Variants in IFT140 observed in about 807,000 individuals in gnomAD.
The protein encoded by IFT140 is intraflagellar transport 140.
IFT140 carries 133 observed loss-of-function variants against 164.6 expected under a neutral mutation model. That is an observed-to-expected ratio of 0.81 (90% CI 0.70 to 0.93). The LOEUF (loss-of-function observed/expected upper bound fraction) is 0.93, where lower values mean the gene tolerates loss of function less well. IFT140 is among the 40% of genes least tolerant of loss of function. The pLI is 0.00. For synonymous variants in IFT140, 860 were observed against 817.3 expected, an observed-to-expected ratio of 1.05 and a Z score of -0.89; for missense variants, 2,045 against 1,972.3, an observed-to-expected ratio of 1.04 and a Z score of -0.70.
intron 5 of IFT140, 73 bp from the exon 6 acceptor site, chr16:1,592,391 G>T: frequency 6.2e-7 from 1 of 1,611,168 alleles, no homozygotes; most frequent in African/African-American, 1.3e-5. Context: ...GGCCCCTCCT[G>T]GGTCAGGAGC....
chr16:1,577,376 C>T (rs1302642932), intron 13 of IFT140: 1 of 152,196 alleles, frequency 6.6e-6, no homozygotes, highest in Non-Finnish European at 1.5e-5. Context: ...TGTAAGAATG[C>T]ACTATGTAAT....
intron 30 of IFT140, among the ~76,000 whole-genome samples, chr16:1,516,052 A>G (rs1567318328): frequency 6.7e-6 from 1 of 149,592 alleles, no homozygotes; most frequent in South Asian, 2.1e-4. Context: ...AGGCAGGAGA[A>G]TCACTTGAAC....
rs367882121 is a variant in IFT140 at position 1,607,116 on chromosome 16, T to C, written c.147+4A>G. The C allele has an allele frequency of 6.2e-7, 1 of 1,613,566 alleles. No individual in the cohort carries two copies. Among genetic ancestry groups the C allele is most frequent in the Non-Finnish European group, 8.5e-7 (1 of 1,179,710 alleles). ...AGTCAGGCTCCTTGCTTCTGAGCAC[T>C]CACTTGCTCCAGGTAAATATCCACG... is the stretch of plus-strand genomic sequence containing the variant. On this transcript the variant is annotated splice_donor_region_variant and intron_variant, in intron 3 of 30. Transcript: ENST00000426508.
At chr16:1,559,481 C>T (rs951071895) in intron 18 of IFT140, among the ~76,000 whole-genome samples, 3 of 152,120 alleles carry the variant, frequency 2.0e-5, no homozygotes, top group South Asian at 2.1e-4. Flanking sequence ...GAAACTAGGC[C>T]GAGCCGTTTG....
At chr16:1,540,348 G>A (rs1473530656) in intron 19 of IFT140, among the ~76,000 whole-genome samples, 1 of 152,236 alleles carries the variant, frequency 6.6e-6, no homozygotes, top group Non-Finnish European at 1.5e-5. Context: ...TTCTAACCAC[G>A]TAAACACTCA....
chr16:1,604,096 T>C (rs1449399394), intron 3 of IFT140, among the ~76,000 whole-genome samples: 1 of 152,256 alleles, frequency 6.6e-6, no homozygotes, highest in Non-Finnish European at 1.5e-5. Context: ...CCATTTACCA[T>C]ATATGTTATA....
At chr16:1,513,437 G>A (rs867252566) in intron 30 of IFT140, among the ~76,000 whole-genome samples, 43 of 152,020 alleles carry the variant, frequency 2.8e-4, no homozygotes, top group African/African-American at 1.0e-3. Flanking sequence ...GGAGGCGGAG[G>A]TTGCAGTGAG....
At chr16:1,517,843 T>G (rs994738752) in intron 30 of IFT140, among the ~76,000 whole-genome samples, 1 of 152,108 alleles carries the variant, frequency 6.6e-6, no homozygotes, top group Non-Finnish European at 1.5e-5. Flanking sequence ...CCGACAGATT[T>G]TTTTTTTCTT....
At chr16:1,541,443 G>A in intron 19 of IFT140, 6 of 985,432 alleles carry the variant, frequency 6.1e-6, no homozygotes, top group Non-Finnish European at 7.2e-6. Flanking sequence ...TCGGGCAGCT[G>A]AGCACGCAGG....
chr16:1,583,298 G>C lies in IFT140; in HGVS notation c.1432+16C>G, dbSNP rs2034676298. The C allele has an allele frequency of 6.2e-7, 1 of 1,611,570 alleles. No individual in the cohort carries two copies. The highest frequency in any genetic ancestry group is 1.3e-5 in the African/African-American group (1 of 74,840). Reference sequence around the variant, plus strand: ...CAGGTAGTGGGAGTGCCTCTGTCCGGGTGAAAAGAACCCACCTGCACTCCG... The same window carrying C: ...CAGGTAGTGGGAGTGCCTCTGTCCGCGTGAAAAGAACCCACCTGCACTCCG... On this transcript the variant is annotated intron_variant, in intron 12 of 30. Transcript: ENST00000426508.
intron 19 of IFT140, chr16:1,541,123 G>A (rs574597537): frequency 5.1e-6 from 5 of 985,412 alleles, no homozygotes; most frequent in East Asian, 2.3e-4. Flanking sequence ...CCCTGACCAC[G>A]CATCCATGTG....
chr16:1,554,079 A>C (rs2032894868), intron 19 of IFT140: 1 of 1,287,174 alleles, frequency 7.8e-7, no homozygotes, highest in Non-Finnish European at 1.0e-6. Context: ...AAAATCTGCC[A>C]GGGAGGAGGG....
intron 18 of IFT140, among the ~76,000 whole-genome samples, chr16:1,561,667 G>A (rs1359540311): frequency 1.3e-5 from 2 of 152,228 alleles, no homozygotes; most frequent in African/African-American, 2.4e-5. Flanking sequence ...TTCAGCATTC[G>A]GGGAAAAGGC....
rs2032646810 is a variant in IFT140 at position 1,551,667 on chromosome 16, G to A, written c.2399+6268C>T. ...TTCCTCACTGTCGAACCCAACTTCA[G>A]GACATGCTTGTTCACGGAAGAGCCT... On this transcript the variant is annotated intron_variant, in intron 19 of 30. Transcript: ENST00000426508. This position sits in a 1 kb window ranked among gnomAD's most constrained non-coding sequence, Gnocchi z 4.0. Among the ~76,000 whole-genome samples, 1 of 152,208 alleles carries A rather than the reference G, an allele frequency of 6.6e-6. No homozygotes were observed. Among genetic ancestry groups the A allele is most frequent in the Non-Finnish European group, 1.5e-5 (1 of 68,044 alleles).
chr16:1,587,079 T>G, intron 9 of IFT140, 119 bp downstream of exon 9: 2 of 713,170 alleles, frequency 2.8e-6, no homozygotes, highest in Non-Finnish European at 2.5e-6. Flanking sequence ...TGAATGGCTG[T>G]GAGTTACCAA....
At chr16:1,524,333 C>T (rs1596303251) in intron 24 of IFT140, 1 of 667,796 alleles carries the variant, frequency 1.5e-6, no homozygotes, top group African/African-American at 1.8e-5. Flanking sequence ...GCCTGGGAAA[C>T]ATCTGGGGAC....
intron 19 of IFT140, among the ~76,000 whole-genome samples, chr16:1,527,370 T>C (rs796361711): frequency 1.7e-4 from 26 of 152,176 alleles, no homozygotes; most frequent in African/African-American, 6.3e-4. Context: ...TGCAGAGCCC[T>C]GGAGGTCTGC....
Position 1,566,927 on chromosome 16 carries a change from T to G in IFT140, c.1771-636A>C, listed in dbSNP as rs117002470. 6.3e-3 allele frequency among the ~76,000 whole-genome samples: 960 copies of G among 152,076 alleles called. 5 individuals carry two copies. Among genetic ancestry groups the G allele is most frequent in the Non-Finnish European group, 0.012 (791 of 67,956 alleles). On this transcript the variant is annotated intron_variant, in intron 15 of 30. Coordinates refer to ENST00000426508, the MANE Select transcript of IFT140 (RefSeq NM_014714.4). Reference sequence around the variant, plus strand: ...TTCTCAGGGCCACAGTGGCCACTGTTTTTCCTCCTTGGGGACATCCTCTCG... The same window carrying G: ...TTCTCAGGGCCACAGTGGCCACTGTGTTTCCTCCTTGGGGACATCCTCTCG...
chr16:1,589,911 A>C, intron 6 of IFT140, 131 bp from the exon 7 acceptor site: 1 of 817,722 alleles, frequency 1.2e-6, no homozygotes, highest in Non-Finnish European at 1.9e-6. Flanking sequence ...AGAACTTAAA[A>C]ATGGGCCGGG....
Sources: gnomAD v4.1 joint callset for allele counts (sites outside exome capture counted in the v4.1 genomes callset) on GRCh38, gnomAD v4.1.1 for gene constraint, Gnocchi (gnomAD v3.1) non-coding constraint, MANE v1.5 for transcripts, NCBI Gene and HGNC (gene_info 2026-07-23, HGNC 2026-07-21) for gene names.